The following SLC1A7 variants were observed in gnomAD, a reference collection of about 807,000 sequenced individuals.
The protein encoded by SLC1A7 is solute carrier family 1 member 7.
In SLC1A7, 40 loss-of-function variants were observed where a neutral mutation model predicts 47.7. The ratio of observed to expected loss-of-function variants is 0.84; its 90% CI spans 0.65 to 1.09. The LOEUF is 1.09. SLC1A7 is among the 50% of genes least tolerant of loss of function. SLC1A7 has a pLI of 0.00. For synonymous variants in SLC1A7, 323 were observed against 325.6 expected (o/e 0.99, Z 0.09); for missense variants, 746 against 769.5 (o/e 0.97, Z 0.36).
Position 53,117,025 on chromosome 1 carries a change from C to T in SLC1A7, c.216-2052G>A, listed in dbSNP as rs144921189. On this transcript the variant is annotated intron_variant, in intron 2 of 10. Transcript: ENST00000371494. ...GGGAGCATCAGAACCGCAAGGGAAGCGGGGACAAGGAAATGCTGTCTTTGT... is the reference window on the plus strand; with the variant it reads ...GGGAGCATCAGAACCGCAAGGGAAGTGGGGACAAGGAAATGCTGTCTTTGT... Among the ~76,000 whole-genome samples the T allele has an allele frequency of 3.0e-4, 45 of 152,274 alleles. 1 individual carries two copies. The East Asian group carries it at 8.1e-3, about 27-fold the overall frequency.
At chr1:53,129,086 G>A (rs4926587) in intron 2 of SLC1A7, among the ~76,000 whole-genome samples, 26,643 of 138,070 alleles carry the variant, frequency 0.19, 6,042 homozygotes, top group Middle Eastern at 0.29. Flanking sequence ...GGCTGAGGCA[G>A]GAGAATTGCT....
intron 1 of SLC1A7, among the ~76,000 whole-genome samples, chr1:53,137,620 C>T (rs976106689): frequency 6.6e-6 from 1 of 152,206 alleles, no homozygotes; most frequent in African/African-American, 2.4e-5. Flanking sequence ...TAATGTACTA[C>T]AACCATGTCT....
At chr1:53,121,634 T>C (rs1644826439) in intron 2 of SLC1A7, among the ~76,000 whole-genome samples, 1 of 151,950 alleles carries the variant, frequency 6.6e-6, no homozygotes, top group East Asian at 1.9e-4. Flanking sequence ...GATGAGGGAG[T>C]TGGGAATCCA....
rs930330724 is a variant in SLC1A7 at position 53,092,706 on chromosome 1, C to T, written c.879G>A (p.Leu293=). Residue 293 remains leucine, a synonymous_variant, in exon 7 of 11, where the codon CTG becomes CTA. Transcript: ENST00000371494. ...MDDPRAVGKK[L]GFYSVTVVCG... ...ACACCACGGTGACTGAGTAGAAGCCCAGCTTCTTGCCGACGGCCCTGGGGT... is the reference window on the plus strand; with the variant it reads ...ACACCACGGTGACTGAGTAGAAGCCTAGCTTCTTGCCGACGGCCCTGGGGT... 4.3e-6 allele frequency: 7 copies of T among 1,613,992 alleles called. No homozygotes were observed. Among genetic ancestry groups the T allele is most frequent in the Non-Finnish European group, 5.9e-6 (7 of 1,179,886 alleles).
At chr1:53,118,865 C>T (rs1027367788) in intron 2 of SLC1A7, among the ~76,000 whole-genome samples, 10 of 152,064 alleles carry the variant, frequency 6.6e-5, no homozygotes, top group East Asian at 1.9e-4. Context: ...GGTGTGGTGG[C>T]GCATGCCTGT....
Position 53,103,427 on chromosome 1 carries a change from G to A in SLC1A7, c.616C>T (p.Pro206Ser), listed in dbSNP as rs1411591731. 1 of 1,612,232 alleles carries A rather than the reference G, an allele frequency of 6.2e-7. No homozygotes were observed. Among genetic ancestry groups the A allele is most frequent in the South Asian group, 1.1e-5 (1 of 90,550 alleles). ...GGCTCTGACTTGTAAACGACCTCGG[G>A]CGGCGGGGTCAGGTCCAGGGCGAAG... ...QNFALDLTPP[P>S]EVVYKSEPGT... Residue 206 changes from proline to serine, a missense_variant, in exon 5 of 11, where the codon CCC becomes TCC. Physicochemically the swap from Pro to Ser is moderately conservative, Grantham distance 74. Transcript: ENST00000371494.
chr1:53,110,365 T>C (rs1644689269), intron 3 of SLC1A7, among the ~76,000 whole-genome samples: 1 of 152,146 alleles, frequency 6.6e-6, no homozygotes, highest in South Asian at 2.1e-4. Flanking sequence ...CCCCGCTCTC[T>C]GACCAAGAAA....
chr1:53,135,914 G>A (rs1644988020), intron 1 of SLC1A7, among the ~76,000 whole-genome samples: 1 of 151,844 alleles, frequency 6.6e-6, no homozygotes, highest in Non-Finnish European at 1.5e-5. Context: ...AACATACTCG[G>A]TTGATGATCT....
intron 1 of SLC1A7, among the ~76,000 whole-genome samples, chr1:53,135,781 A>C (rs1034347284): frequency 2.9e-4 from 44 of 152,238 alleles, no homozygotes; most frequent in African/African-American, 1.0e-3. Flanking sequence ...TACTTCTGGC[A>C]ACCCTGGCAT....
rs1470340696 is a variant in SLC1A7, at chr1:53,090,609, C to T, written c.1226+3G>A. On this transcript the variant is annotated splice_donor_region_variant and intron_variant, in intron 8 of 10. Coordinates refer to ENST00000371494, the MANE Select transcript of SLC1A7 (RefSeq NM_006671.6). ...TCCACCCAGGTGCAGTGTCAGGGTG[C>T]ACCTGATGGTGATGATCTGGCCAAA... The T allele has an allele frequency of 6.3e-7, 1 of 1,576,464 alleles. No individual in the cohort carries two copies. The highest frequency in any genetic ancestry group is 1.2e-5 in the South Asian group (1 of 84,606).
At chr1:53,105,669 C>G (rs867693085) in intron 4 of SLC1A7, 63 bp downstream of exon 4, 17 of 1,286,454 alleles carry the variant, frequency 1.3e-5, no homozygotes, top group Middle Eastern at 3.8e-4. Flanking sequence ...GCCACTAGCC[C>G]TGCTGCCTGC....
At chr1:53,098,757 T>C (rs573292966) in intron 5 of SLC1A7, among the ~76,000 whole-genome samples, 1 of 148,960 alleles carries the variant, frequency 6.7e-6, no homozygotes, top group South Asian at 2.2e-4. Flanking sequence ...ATTGCCTCAG[T>C]ACACTCACAC....
Position 53,142,600 on chromosome 1 carries a change from C to T in SLC1A7, c.-151G>A, listed in dbSNP as rs1027891065. ...CAGTCGCCAGCCCCACGGCCATGCCCGTGTGGCCGCCTTAGAGGGAAGCCA... is the reference window on the plus strand; with the variant it reads ...CAGTCGCCAGCCCCACGGCCATGCCTGTGTGGCCGCCTTAGAGGGAAGCCA... On this transcript the variant is annotated 5_prime_UTR_variant, in exon 1 of 11. Transcript: ENST00000371494. 4 of 774,976 alleles carry T rather than the reference C, an allele frequency of 5.2e-6. No individual in the cohort carries two copies. Among genetic ancestry groups the T allele is most frequent in the Middle Eastern group, 3.7e-4 (1 of 2,718 alleles). 48.0% of individuals were successfully genotyped at this position (774,976 alleles called of 1,614,324 possible). A position where few individuals can be genotyped will look rare whatever the true frequency, so the allele number is the denominator to read the frequency against.
At chr1:53,138,670 A>G (rs1645025504) in intron 1 of SLC1A7, among the ~76,000 whole-genome samples, 1 of 151,918 alleles carries the variant, frequency 6.6e-6, no homozygotes, top group Non-Finnish European at 1.5e-5. Context: ...GCCTAGCCAA[A>G]GTTTTTATAT....
At chr1:53,125,364 G>C (rs369772734) in intron 2 of SLC1A7, among the ~76,000 whole-genome samples, 2 of 152,308 alleles carry the variant, frequency 1.3e-5, no homozygotes, top group East Asian at 3.9e-4. Context: ...GGGAAGGGAG[G>C]AGCTGTTGTG....
intron 5 of SLC1A7, among the ~76,000 whole-genome samples, chr1:53,095,701 C>T (rs1325501959): frequency 1.3e-5 from 2 of 150,724 alleles, no homozygotes; most frequent in Non-Finnish European, 3.0e-5. Context: ...ACTCACACAC[C>T]CTGCCTCGGT....
At chr1:53,135,748 T>C (rs894907566) in intron 1 of SLC1A7, among the ~76,000 whole-genome samples, 1 of 152,200 alleles carries the variant, frequency 6.6e-6, no homozygotes, top group Non-Finnish European at 1.5e-5. Flanking sequence ...TTTATAAAAT[T>C]TTTTAACTTA....
intron 2 of SLC1A7, among the ~76,000 whole-genome samples, chr1:53,129,132 T>A (rs1279212019): frequency 1.5e-5 from 2 of 133,672 alleles, no homozygotes; most frequent in Non-Finnish European, 3.2e-5. Flanking sequence ...TGAGCTGAGA[T>A]CATGCCACTG....
intron 3 of SLC1A7, among the ~76,000 whole-genome samples, chr1:53,106,649 G>A (rs1452076096): frequency 6.6e-6 from 1 of 151,468 alleles, no homozygotes; most frequent in Non-Finnish European, 1.5e-5. Flanking sequence ...CACAGCAGTC[G>A]ATGGAAAAGT....
Sources: allele counts gnomAD v4.1 joint callset (sites outside exome capture counted in the v4.1 genomes callset), GRCh38; gene constraint gnomAD v4.1.1; transcripts MANE v1.5; gene names NCBI Gene and HGNC (gene_info 2026-07-23, HGNC 2026-07-21).